Variants in TSC22D1 observed in about 807,000 individuals in gnomAD.
The protein encoded by TSC22D1 is TSC22 domain family member 1, also known as TSC22 domain family protein 1.
Under a neutral mutation model 74.2 loss-of-function variants are expected in TSC22D1, and 9 were observed. The ratio of observed to expected loss-of-function variants is 0.12; its 90% CI spans 0.07 to 0.21. TSC22D1 has a LOEUF of 0.21. Ranked by LOEUF, TSC22D1 falls within the 10% of genes least tolerant of loss-of-function variation. The pLI, the probability that TSC22D1 is intolerant of heterozygous loss-of-function variation, is 1.00. For synonymous variants in TSC22D1, 586 were observed against 492.5 expected (o/e 1.19, Z -2.51); for missense variants, 1,427 against 1,304.7 (o/e 1.09, Z -1.44).
chr13:44,433,877 C>T lies in TSC22D1; in HGVS notation c.*749G>A, dbSNP rs1478552974. On this transcript the variant is annotated 3_prime_UTR_variant, in exon 3 of 3. Coordinates refer to ENST00000458659, the MANE Select transcript of TSC22D1 (RefSeq NM_183422.4). ...GTAGATCTATATATAAAAGTCCACA[C>T]CTCCTCAGACAGCCAATGAAACAAC... is the stretch of plus-strand genomic sequence containing the variant. The T allele has an allele frequency of 1.8e-6, 2 of 1,119,202 alleles. No homozygotes were observed. Among genetic ancestry groups the T allele is most frequent in the African/African-American group, 1.6e-5 (1 of 61,206 alleles). 69.3% of individuals were successfully genotyped at this position (1,119,202 alleles called of 1,614,324 possible). A position where few individuals can be genotyped will look rare whatever the true frequency, so the allele number is the denominator to read the frequency against.
Position 44,571,016 on chromosome 13 carries a change from G to A in TSC22D1, c.2912+2147C>T, listed in dbSNP as rs113917869. On this transcript the variant is annotated intron_variant, in intron 1 of 2. Coordinates refer to ENST00000458659, the MANE Select transcript of TSC22D1 (RefSeq NM_183422.4). ...ACAAGGTGTTTTAGGGCTACATTCC[G>A]ATTTCACAGAATTTAAGATACCGCT... Among the ~76,000 whole-genome samples the A allele has an allele frequency of 4.3e-4, 65 of 152,132 alleles. 1 individual carries two copies. Among genetic ancestry groups the A allele is most frequent in the African/African-American group, 1.1e-3 (46 of 41,508 alleles).
chr13:44,547,797 G>A (rs1881926770), intron 1 of TSC22D1, among the ~76,000 whole-genome samples: 1 of 152,098 alleles, frequency 6.6e-6, no homozygotes, highest in Admixed American at 6.5e-5. Flanking sequence ...TAAAAAAAGA[G>A]AAACAAGGTC....
intron 1 of TSC22D1, among the ~76,000 whole-genome samples, chr13:44,525,664 G>A (rs1398205541): frequency 3.3e-5 from 5 of 152,084 alleles, no homozygotes; most frequent in Non-Finnish European, 7.4e-5. Context: ...GGACACTATA[G>A]GAAATTCTAG....
chr13:44,573,016 G>T, intron 1 of TSC22D1, 147 bp downstream of exon 1: 1 of 1,109,984 alleles, frequency 9.0e-7, no homozygotes, highest in Non-Finnish European at 1.2e-6. Flanking sequence ...CATAACTCTT[G>T]CTCTATAAAA....
chr13:44,474,224 A>AT, intron 1 of TSC22D1: 1 of 985,226 alleles, frequency 1.0e-6, no homozygotes, highest in Non-Finnish European at 1.2e-6. Context: ...TCACAGCAGG[A>AT]TTATCACTAG....
At chr13:44,542,343 C>A (rs372511305) in intron 1 of TSC22D1, among the ~76,000 whole-genome samples, 38 of 152,140 alleles carry the variant, frequency 2.5e-4, no homozygotes, top group South Asian at 4.1e-4. Flanking sequence ...TCACAAAAAA[C>A]CAGATCTTGC....
intron 1 of TSC22D1, among the ~76,000 whole-genome samples, chr13:44,553,004 C>G (rs916579460): frequency 1.3e-5 from 2 of 151,666 alleles, no homozygotes; most frequent in African/African-American, 4.9e-5. Flanking sequence ...AACAAACAAA[C>G]AAACAAAACG....
intron 1 of TSC22D1, among the ~76,000 whole-genome samples, chr13:44,475,391 G>C (rs1595104418): frequency 6.6e-6 from 1 of 150,498 alleles, no homozygotes; most frequent in South Asian, 2.1e-4. Flanking sequence ...AAAGCCTAAA[G>C]ATTATTGGGA....
chr13:44,546,356 C>G (rs189266547), intron 1 of TSC22D1, among the ~76,000 whole-genome samples: 22 of 152,302 alleles, frequency 1.4e-4, no homozygotes, highest in Admixed American at 1.4e-3. Flanking sequence ...ATCAAGATGA[C>G]ATCACCAATA....
chr13:44,519,968 T>C (rs1296642386), intron 1 of TSC22D1, among the ~76,000 whole-genome samples: 1 of 152,112 alleles, frequency 6.6e-6, no homozygotes, highest in Non-Finnish European at 1.5e-5. Context: ...TGACAGTCAC[T>C]AAGATGAGAT....
At chr13:44,522,524 G>A (rs145170324) in intron 1 of TSC22D1, among the ~76,000 whole-genome samples, 1 of 152,266 alleles carries the variant, frequency 6.6e-6, no homozygotes, top group Non-Finnish European at 1.5e-5. Flanking sequence ...ATGGTGAGAA[G>A]TGGACAGGTT....
At chr13:44,544,440 C>G (rs1055850068) in intron 1 of TSC22D1, among the ~76,000 whole-genome samples, 3 of 148,008 alleles carry the variant, frequency 2.0e-5, no homozygotes, top group Non-Finnish European at 4.5e-5. Context: ...TATTTCTAAA[C>G]CATAAATCTT....
intron 1 of TSC22D1, among the ~76,000 whole-genome samples, chr13:44,560,628 C>A (rs1450333883): frequency 6.6e-6 from 1 of 152,026 alleles, no homozygotes; most frequent in African/African-American, 2.4e-5. Context: ...AACAACTTGT[C>A]TTATTTTAGA....
intron 1 of TSC22D1, among the ~76,000 whole-genome samples, chr13:44,452,187 C>T (rs995171954): frequency 6.6e-6 from 1 of 152,088 alleles, no homozygotes; most frequent in African/African-American, 2.4e-5. Flanking sequence ...CGAGAAGTAA[C>T]TAACAAGTCA....
intron 1 of TSC22D1, chr13:44,537,424 G>T: frequency 1.0e-6 from 1 of 984,940 alleles, no homozygotes; most frequent in Non-Finnish European, 1.2e-6. Context: ...TTCAATCAAA[G>T]CATGAGATTA....
At chr13:44,551,006 C>T (rs1034072740) in intron 1 of TSC22D1, among the ~76,000 whole-genome samples, 5 of 150,482 alleles carry the variant, frequency 3.3e-5, no homozygotes, top group African/African-American at 1.2e-4. Flanking sequence ...ACTCAAGAGG[C>T]TGAGGTGGGA....
chr13:44,566,175 T>C (rs1246899974), intron 1 of TSC22D1, among the ~76,000 whole-genome samples: 3 of 152,136 alleles, frequency 2.0e-5, no homozygotes, highest in Non-Finnish European at 2.9e-5. Context: ...TCAGACACTC[T>C]TAAAAATTCC....
intron 1 of TSC22D1, among the ~76,000 whole-genome samples, chr13:44,555,325 T>C (rs1338957629): frequency 1.1e-4 from 16 of 152,000 alleles, no homozygotes; most frequent in Admixed American, 1.0e-3. Context: ...AAGAAATACG[T>C]AGGTCGGGCG....
intron 1 of TSC22D1, among the ~76,000 whole-genome samples, chr13:44,449,769 A>T (rs756644386): frequency 2.6e-5 from 4 of 152,216 alleles, no homozygotes; most frequent in Admixed American, 6.5e-5. Flanking sequence ...TAGCATTTAA[A>T]CCTGCTGCCA....
Sources: gnomAD v4.1 joint callset for allele counts (sites outside exome capture counted in the v4.1 genomes callset) on GRCh38, gnomAD v4.1.1 for gene constraint, MANE v1.5 for transcripts, NCBI Gene and HGNC (gene_info 2026-07-23, HGNC 2026-07-21) for gene names.